NFX1: variants seen among roughly 807,000 people sequenced by gnomAD.
NFX1 encodes transcriptional repressor NF-X1.
A neutral mutation model predicts 137.2 loss-of-function variants in NFX1; 69 were observed. The ratio of observed to expected loss-of-function variants is 0.50; its 90% CI spans 0.41 to 0.61. The LOEUF (loss-of-function observed/expected upper bound fraction) is 0.61, where lower values mean the gene tolerates loss of function less well. Among genes scored for constraint, NFX1 ranks in the 20% least tolerant of loss-of-function variants. The pLI is 0.00. For missense variants in NFX1, 1,167 were observed against 1,391.0 expected (o/e 0.84, Z 2.56); for synonymous variants, 495 against 474.1 (o/e 1.04, Z -0.57).
At chr9:33,337,139 A>G (rs1212122954) in intron 11 of NFX1, among the ~76,000 whole-genome samples, 1 of 152,138 alleles carries the variant, frequency 6.6e-6, no homozygotes, top group Non-Finnish European at 1.5e-5. Context: ...AGCCACACTT[A>G]AATTTTCGAT....
chr9:33,335,421 C>T (rs748791183), intron 11 of NFX1, among the ~76,000 whole-genome samples: 92 of 151,844 alleles, frequency 6.1e-4, no homozygotes, highest in Middle Eastern at 3.4e-3. Flanking sequence ...TTAGTAGAGA[C>T]GGGGTTTCAC....
intron 11 of NFX1, among the ~76,000 whole-genome samples, chr9:33,334,424 C>G (rs897418961): frequency 1.3e-5 from 2 of 152,070 alleles, no homozygotes; most frequent in Non-Finnish European, 2.9e-5. Flanking sequence ...CCATTGCACT[C>G]TATCCTGGTG....
chr9:33,313,467 G>A (rs1330170076), intron 6 of NFX1, among the ~76,000 whole-genome samples, 187 bp from the exon 7 acceptor site: 3 of 151,840 alleles, frequency 2.0e-5, no homozygotes, highest in Admixed American at 6.6e-5. Context: ...AAGAAAAAGA[G>A]TGGAGAAAGG....
intron 1 of NFX1, 119 bp downstream of exon 1, chr9:33,290,716 A>G: frequency 9.9e-7 from 1 of 1,014,840 alleles, no homozygotes; most frequent in African/African-American, 1.6e-5. Context: ...AGGGCGTAGG[A>G]TAGTGGCTCG....
chr9:33,300,188 G>A (rs970917817), intron 2 of NFX1, among the ~76,000 whole-genome samples: 2 of 148,380 alleles, frequency 1.3e-5, no homozygotes, highest in Non-Finnish European at 3.0e-5. Flanking sequence ...ATCCTCCTTG[G>A]ATTACTACTG....
At chr9:33,318,648 T>G in intron 7 of NFX1, 83 bp from the exon 8 acceptor site, 6 of 1,317,444 alleles carry the variant, frequency 4.6e-6, no homozygotes, top group Non-Finnish European at 5.5e-6. Flanking sequence ...GCCCGCATTT[T>G]GTATTTTCTT....
At chr9:33,349,773 T>G (rs62542731) in intron 15 of NFX1, among the ~76,000 whole-genome samples, 17,319 of 152,032 alleles carry the variant, frequency 0.11, 1,038 homozygotes, top group South Asian at 0.18. Flanking sequence ...TTGGGAGACA[T>G]GAGGAGAGTT....
chr9:33,313,944 A>G, intron 7 of NFX1, 151 bp downstream of exon 7: 1 of 736,988 alleles, frequency 1.4e-6, no homozygotes. Context: ...GACGGTTTTT[A>G]TTATTTTACC....
intron 9 of NFX1, among the ~76,000 whole-genome samples, chr9:33,324,471 A>C (rs996478533): frequency 6.6e-6 from 1 of 152,200 alleles, no homozygotes; most frequent in Non-Finnish European, 1.5e-5. Context: ...AGATTGCTTG[A>C]GTCCAAGAGG....
At chr9:33,317,280 G>A (rs1262110684) in intron 7 of NFX1, among the ~76,000 whole-genome samples, 3 of 151,716 alleles carry the variant, frequency 2.0e-5, no homozygotes, top group African/African-American at 7.3e-5. Context: ...CTAGCCAGGT[G>A]TAGTGGCACG....
Position 33,351,748 on chromosome 9 carries a change from C to T in NFX1, c.2613C>T (p.Cys871=), listed in dbSNP as rs752785345. 5.0e-6 allele frequency: 8 copies of T among 1,608,052 alleles called. No individual in the cohort carries two copies. In the African/African-American group the frequency reaches 6.7e-5, roughly 13 times the overall value. The change falls in exon 16 of 24, where the codon TGC becomes TGT. Residue 871 remains cysteine (C), a synonymous_variant. Coordinates refer to ENST00000379540, the MANE Select transcript of NFX1 (RefSeq NM_002504.6). ...ADCGHPCMAP[C]HTSSPCPVTA... is the part of the protein sequence containing the mutation. Reference sequence around the variant, plus strand: ...GTGGTCACCCGTGTATGGCACCCTGCCATACCAGCTCACCCTGCCCTGTGA... The same window carrying T: ...GTGGTCACCCGTGTATGGCACCCTGTCATACCAGCTCACCCTGCCCTGTGA...
intron 2 of NFX1, 71 bp downstream of exon 2, chr9:33,295,498 C>A: frequency 1.4e-6 from 2 of 1,435,518 alleles, no homozygotes; most frequent in Non-Finnish European, 9.3e-7. Flanking sequence ...CATATATTCA[C>A]ATAATTTAGA....
At chr9:33,342,303 T>C (rs748250698) in intron 12 of NFX1, among the ~76,000 whole-genome samples, 9 of 151,158 alleles carry the variant, frequency 6.0e-5, no homozygotes, top group Admixed American at 1.3e-4. Context: ...CTACTAAAAA[T>C]ACAAAAAAAT....
At chr9:33,358,283 C>T (rs935966724) in intron 19 of NFX1, among the ~76,000 whole-genome samples, 4 of 152,024 alleles carry the variant, frequency 2.6e-5, no homozygotes, top group African/African-American at 4.8e-5. Flanking sequence ...CACCACTACA[C>T]CCGGCTAATT....
chr9:33,321,087 A>G (rs965671772), intron 9 of NFX1, among the ~76,000 whole-genome samples: 1 of 152,218 alleles, frequency 6.6e-6, no homozygotes, highest in East Asian at 1.9e-4. Flanking sequence ...CGGAAAGCAC[A>G]TGAGTCAGTT....
intron 19 of NFX1, among the ~76,000 whole-genome samples, chr9:33,357,454 A>C (rs993772433): frequency 6.6e-6 from 1 of 151,970 alleles, no homozygotes; most frequent in African/African-American, 2.4e-5. Flanking sequence ...TATATCCTCA[A>C]CCATGACTTT....
At chr9:33,363,307 CAG>C (rs761932714) in intron 19 of NFX1, among the ~76,000 whole-genome samples, 67 of 144,374 alleles carry the variant, frequency 4.6e-4, no homozygotes, top group Non-Finnish European at 7.7e-4. Context: ...TATTTTTAGA[CAG>C]AGTCTCACTG....
At chr9:33,344,302 C>G (rs1398149642) in intron 14 of NFX1, 114 bp downstream of exon 14, 2 of 1,457,516 alleles carry the variant, frequency 1.4e-6, no homozygotes, top group Non-Finnish European at 9.4e-7. Flanking sequence ...GCCCCTTGCT[C>G]CCGGCTCAGG....
At chr9:33,364,871 G>A in intron 21 of NFX1, 97 bp downstream of exon 21, 1 of 1,536,134 alleles carries the variant, frequency 6.5e-7, no homozygotes, top group Non-Finnish European at 8.7e-7. Context: ...ACCTAGAGTA[G>A]TTGTAGGAAA....
Sources: allele counts gnomAD v4.1 joint callset (sites outside exome capture counted in the v4.1 genomes callset), GRCh38; gene constraint gnomAD v4.1.1; transcripts MANE v1.5; gene names NCBI Gene and HGNC (gene_info 2026-07-23, HGNC 2026-07-21).